CRYBG1: variants seen among roughly 807,000 people sequenced by gnomAD.
CRYBG1 encodes the protein beta/gamma crystallin domain-containing protein 1.
Under a neutral mutation model 189.2 loss-of-function variants are expected in CRYBG1, and 139 were observed. The ratio of observed to expected loss-of-function variants is 0.73; its 90% CI spans 0.64 to 0.85. The LOEUF (loss-of-function observed/expected upper bound fraction) is 0.85, where lower values mean the gene tolerates loss of function less well. Among genes scored for constraint, CRYBG1 ranks in the 40% least tolerant of loss-of-function variants. The probability of loss-of-function intolerance (pLI) is 0.00; values close to 1 mark genes in which losing one functional copy is unlikely to be tolerated. For synonymous variants in CRYBG1, 1,023 were observed against 1,017.1 expected (o/e 1.01, Z -0.11); for missense variants, 2,611 against 2,675.8 (o/e 0.98, Z 0.53).
At chr6:106,361,972 T>TCTTTCTTTC (rs71006681) in intron 1 of CRYBG1, among the ~76,000 whole-genome samples, 1 of 120,922 alleles carries the variant, frequency 8.3e-6, no homozygotes, top group African/African-American at 3.8e-5. Context: ...TTTCTTTCTT[T>TCTTTCTTTC]TTTTTTTTTT....
chr6:106,386,326 C>A (rs2114328137), intron 1 of CRYBG1, among the ~76,000 whole-genome samples: 1 of 152,182 alleles, frequency 6.6e-6, no homozygotes, highest in South Asian at 2.1e-4. Flanking sequence ...GTGAGCTTAC[C>A]AAAACTGTGA....
At chr6:106,407,103 A>G (rs1443227579) in intron 1 of CRYBG1, among the ~76,000 whole-genome samples, 1 of 152,248 alleles carries the variant, frequency 6.6e-6, no homozygotes, top group Non-Finnish European at 1.5e-5. Flanking sequence ...TTGAATAAAG[A>G]ATCAAGACCC....
chr6:106,483,391 GAT>G (rs1217016240), intron 2 of CRYBG1, among the ~76,000 whole-genome samples: 1 of 100,970 alleles, frequency 9.9e-6, no homozygotes, highest in Non-Finnish European at 2.3e-5. Context: ...TATATATATA[GAT>G]ATATATATAA....
intron 1 of CRYBG1, among the ~76,000 whole-genome samples, chr6:106,450,599 C>T (rs1357855075): frequency 6.6e-6 from 1 of 152,218 alleles, no homozygotes; most frequent in Non-Finnish European, 1.5e-5. Flanking sequence ...TATTATCTAA[C>T]ACAACAAGAA....
At chr6:106,442,492 A>G (rs1439313408) in intron 1 of CRYBG1, among the ~76,000 whole-genome samples, 1 of 152,218 alleles carries the variant, frequency 6.6e-6, no homozygotes, top group African/African-American at 2.4e-5. Context: ...AGTGTGTGCC[A>G]TCACCACAGA....
chr6:106,410,951 A>G (rs1014813616), intron 1 of CRYBG1, among the ~76,000 whole-genome samples: 5 of 152,232 alleles, frequency 3.3e-5, no homozygotes, highest in African/African-American at 4.8e-5. Flanking sequence ...TGGCACATGT[A>G]TAATGCCTAT....
chr6:106,531,687 G>C (rs1166127236), intron 8 of CRYBG1, among the ~76,000 whole-genome samples: 1 of 152,030 alleles, frequency 6.6e-6, no homozygotes, highest in Non-Finnish European at 1.5e-5. Flanking sequence ...TGAAATATAA[G>C]ACACCTAGAA....
At chr6:106,548,182 G>A (rs542182637) in intron 13 of CRYBG1, among the ~76,000 whole-genome samples, 1 of 152,200 alleles carries the variant, frequency 6.6e-6, no homozygotes, top group East Asian at 1.9e-4. Flanking sequence ...AATACATCTG[G>A]ACAAGGACAG....
At chr6:106,479,644 T>C (rs530052025) in intron 2 of CRYBG1, among the ~76,000 whole-genome samples, 3 of 152,372 alleles carry the variant, frequency 2.0e-5, no homozygotes, top group East Asian at 1.9e-4. Flanking sequence ...TATCTCATTG[T>C]GGTTTTGATT....
chr6:106,406,595 C>G (rs1280869237), intron 1 of CRYBG1, among the ~76,000 whole-genome samples: 1 of 149,014 alleles, frequency 6.7e-6, no homozygotes, highest in Admixed American at 6.7e-5. Context: ...TCAGATTCAC[C>G]AAGGTTGAAA....
chr6:106,366,219 CT>C (rs1486225543), intron 1 of CRYBG1, among the ~76,000 whole-genome samples: 1 of 152,058 alleles, frequency 6.6e-6, no homozygotes, highest in African/African-American at 2.4e-5. Flanking sequence ...TAATTATTTT[CT>C]AGCATAAAGA....
chr6:106,522,858 A>T (rs1773642047), intron 4 of CRYBG1, among the ~76,000 whole-genome samples: 1 of 152,178 alleles, frequency 6.6e-6, no homozygotes, highest in African/African-American at 2.4e-5. Flanking sequence ...AGAGGTGCAG[A>T]TCCCTTTTTC....
intron 18 of CRYBG1, 108 bp downstream of exon 18, chr6:106,558,733 T>A: frequency 1.2e-6 from 1 of 826,520 alleles, no homozygotes; most frequent in Non-Finnish European, 1.8e-6. Context: ...GAGGCCGAGG[T>A]AGAAGGATCA....
intron 1 of CRYBG1, among the ~76,000 whole-genome samples, chr6:106,410,513 C>T (rs557607305): frequency 6.6e-6 from 1 of 152,310 alleles, no homozygotes; most frequent in South Asian, 2.1e-4. Flanking sequence ...ACCCAGCAAT[C>T]CCATTACTGG....
chr6:106,394,742 A>G (rs751447293), intron 1 of CRYBG1, among the ~76,000 whole-genome samples: 1 of 152,224 alleles, frequency 6.6e-6, no homozygotes, highest in Non-Finnish European at 1.5e-5. Flanking sequence ...GAACACAAAC[A>G]TTGAGGAAAG....
intron 1 of CRYBG1, among the ~76,000 whole-genome samples, chr6:106,378,826 C>T (rs1770226979): frequency 6.6e-6 from 1 of 152,078 alleles, no homozygotes; most frequent in Non-Finnish European, 1.5e-5. Context: ...TCTTCTTCTT[C>T]CCTTTTTTTA....
At chr6:106,416,895 A>G (rs1374435400) in intron 1 of CRYBG1, among the ~76,000 whole-genome samples, 1 of 151,932 alleles carries the variant, frequency 6.6e-6, no homozygotes, top group Non-Finnish European at 1.5e-5. Flanking sequence ...TCTAGGTGTG[A>G]CATTATGGGG....
At chr6:106,392,235 T>C (rs1770521793) in intron 1 of CRYBG1, among the ~76,000 whole-genome samples, 1 of 152,022 alleles carries the variant, frequency 6.6e-6, no homozygotes, top group Non-Finnish European at 1.5e-5. Context: ...AATATATAAA[T>C]TGCCCTTTGC....
At chr6:106,386,975 C>T (rs898458333) in intron 1 of CRYBG1, among the ~76,000 whole-genome samples, 6 of 152,112 alleles carry the variant, frequency 3.9e-5, no homozygotes, top group East Asian at 3.8e-4. Flanking sequence ...GACAATAGCT[C>T]GTATTTCATC....
Sources: gnomAD v4.1 joint callset for allele counts (sites outside exome capture counted in the v4.1 genomes callset) on GRCh38, gnomAD v4.1.1 for gene constraint, MANE v1.5 for transcripts, NCBI Gene and HGNC (gene_info 2026-07-23, HGNC 2026-07-21) for gene names.